The following MAN2A1 variants were observed in gnomAD, a reference collection of about 807,000 sequenced individuals.
MAN2A1 encodes the protein alpha-mannosidase 2.
A neutral mutation model predicts 142.6 loss-of-function variants in MAN2A1; 76 were observed. That is an observed-to-expected ratio of 0.53 (90% CI 0.44 to 0.65). The LOEUF (loss-of-function observed/expected upper bound fraction) is 0.65. Ranked by LOEUF, MAN2A1 falls within the 30% of genes least tolerant of loss-of-function variation. The probability of loss-of-function intolerance (pLI) is 0.00; values close to 1 mark genes in which losing one functional copy is unlikely to be tolerated. For synonymous variants in MAN2A1, 559 were observed against 473.2 expected (o/e 1.18, Z -2.35); for missense variants, 1,311 against 1,365.1 (o/e 0.96, Z 0.62).
intron 7 of MAN2A1, among the ~76,000 whole-genome samples, chr5:109,772,815 C>A (rs1044693549): frequency 3.3e-5 from 5 of 152,050 alleles, no homozygotes; most frequent in Non-Finnish European, 7.4e-5. Context: ...TAGCCCTGTT[C>A]AATTTGTTAA....
intron 20 of MAN2A1, chr5:109,863,229 G>A (rs925942647): frequency 6.6e-6 from 1 of 152,176 alleles, no homozygotes. Context: ...TGACTTTGAT[G>A]TACGACTCTA....
intron 12 of MAN2A1, among the ~76,000 whole-genome samples, chr5:109,799,688 A>G (rs1265077099): frequency 1.3e-5 from 2 of 149,834 alleles, no homozygotes; most frequent in African/African-American, 4.9e-5. Flanking sequence ...CATGAGGTGG[A>G]GGTTGTGGTG....
chr5:109,723,249 T>C (rs1428142610), intron 3 of MAN2A1, among the ~76,000 whole-genome samples: 1 of 152,172 alleles, frequency 6.6e-6, no homozygotes, highest in Non-Finnish European at 1.5e-5. Flanking sequence ...AATATCTTCA[T>C]TGAATTAAAG....
chr5:109,822,105 A>G (rs1754639731), intron 15 of MAN2A1, among the ~76,000 whole-genome samples: 1 of 150,758 alleles, frequency 6.6e-6, no homozygotes, highest in African/African-American at 2.4e-5. Context: ...TGTAGGCTAC[A>G]GTAAGGACTC....
chr5:109,742,943 C>T (rs907406336), intron 4 of MAN2A1, among the ~76,000 whole-genome samples: 2 of 152,198 alleles, frequency 1.3e-5, no homozygotes, highest in African/African-American at 2.4e-5. Context: ...CTCTCATTCC[C>T]TTCAACCACT....
chr5:109,804,345 T>A (rs1425251197), intron 12 of MAN2A1: 4 of 908,700 alleles, frequency 4.4e-6, no homozygotes, highest in Non-Finnish European at 5.3e-6. Flanking sequence ...GAGTAGCGCT[T>A]TTTTTAAAAT....
chr5:109,762,149 A>G (rs1752861558), intron 5 of MAN2A1, among the ~76,000 whole-genome samples: 1 of 152,162 alleles, frequency 6.6e-6, no homozygotes, highest in African/African-American at 2.4e-5. Context: ...AGGATAGGAT[A>G]GTATTTTAAA....
intron 5 of MAN2A1, among the ~76,000 whole-genome samples, chr5:109,756,547 C>T (rs1291864813): frequency 2.0e-5 from 3 of 151,986 alleles, no homozygotes; most frequent in African/African-American, 7.2e-5. Context: ...TATAAGAATA[C>T]TGCAAAATAT....
chr5:109,800,609 A>G (rs1189457949), intron 12 of MAN2A1, among the ~76,000 whole-genome samples: 2 of 152,238 alleles, frequency 1.3e-5, no homozygotes, highest in African/African-American at 2.4e-5. Context: ...AATATTCTAC[A>G]TGTGTAAGTT....
intron 16 of MAN2A1, among the ~76,000 whole-genome samples, chr5:109,838,285 T>C (rs995197234): frequency 2.0e-5 from 3 of 152,174 alleles, no homozygotes; most frequent in African/African-American, 7.2e-5. Context: ...AGGGCACATA[T>C]TTCTCTTTGT....
chr5:109,780,278 C>G (rs1366277479), intron 8 of MAN2A1, among the ~76,000 whole-genome samples: 1 of 152,004 alleles, frequency 6.6e-6, no homozygotes, highest in East Asian at 1.9e-4. Flanking sequence ...CCAGGATGGT[C>G]TCCATCTCCT....
intron 5 of MAN2A1, among the ~76,000 whole-genome samples, chr5:109,762,664 C>G (rs895691654): frequency 1.3e-5 from 2 of 152,170 alleles, no homozygotes; most frequent in Non-Finnish European, 2.9e-5. Context: ...TGGAGAAGAT[C>G]AGTGCTGGCC....
At chr5:109,777,622 A>C (rs1364380769) in intron 8 of MAN2A1, among the ~76,000 whole-genome samples, 1 of 151,960 alleles carries the variant, frequency 6.6e-6, no homozygotes, top group Non-Finnish European at 1.5e-5. Flanking sequence ...TGTTTGAAAA[A>C]TTTTTGTTTA....
intron 1 of MAN2A1, among the ~76,000 whole-genome samples, chr5:109,692,108 T>A (rs571041578): frequency 2.0e-5 from 3 of 152,340 alleles, no homozygotes; most frequent in South Asian, 4.1e-4. Flanking sequence ...TATGCAAACA[T>A]CTGGACCTGG....
intron 5 of MAN2A1, among the ~76,000 whole-genome samples, chr5:109,760,286 T>A (rs1479862667): frequency 6.6e-6 from 1 of 152,212 alleles, no homozygotes; most frequent in Non-Finnish European, 1.5e-5. Flanking sequence ...GTTTCCAGCT[T>A]CATTCATATC....
intron 3 of MAN2A1, among the ~76,000 whole-genome samples, chr5:109,727,249 G>A (rs1751770678): frequency 6.6e-6 from 1 of 152,088 alleles, no homozygotes; most frequent in African/African-American, 2.4e-5. Flanking sequence ...GAGGCTAGAA[G>A]TCCAAGATCA....
Position 109,788,970 on chromosome 5 carries a change from T to G in MAN2A1, c.1797T>G (p.Ile599Met), listed in dbSNP as rs369771547. The change falls in exon 11 of 22, where the codon ATT (isoleucine) becomes ATG (methionine). Residue 599 changes from isoleucine to methionine, a missense_variant. By Grantham distance (10) the Ile-to-Met change is conservative. Transcript: ENST00000261483. ...CGTTAATGGTTTTGGAGAAGATAAT[T>G]GGAAATTCTGCATTTCTTCTTATTT... ...FHSLMVLEKIIGNSAFLLILK... is the reference protein window; with the variant it reads ...FHSLMVLEKIMGNSAFLLILK... The G allele has an allele frequency of 2.9e-5, 47 of 1,602,618 alleles. No homozygotes were observed. The African/African-American group carries it at 4.3e-4, about 15-fold the overall frequency.
intron 1 of MAN2A1, among the ~76,000 whole-genome samples, chr5:109,707,694 A>C (rs1751174432): frequency 6.6e-6 from 1 of 152,176 alleles, no homozygotes; most frequent in East Asian, 1.9e-4. Flanking sequence ...GAGACCATGT[A>C]CAAAGGTTTT....
At chr5:109,829,508 G>A (rs1270155369) in intron 16 of MAN2A1, among the ~76,000 whole-genome samples, 1 of 152,182 alleles carries the variant, frequency 6.6e-6, no homozygotes, top group Non-Finnish European at 1.5e-5. Context: ...CCAAAAAGCT[G>A]TTGCCATGAC....
Sources: allele counts gnomAD v4.1 joint callset (sites outside exome capture counted in the v4.1 genomes callset), GRCh38; gene constraint gnomAD v4.1.1; transcripts MANE v1.5; gene names NCBI Gene and HGNC (gene_info 2026-07-23, HGNC 2026-07-21).